Variants in CDK19 observed in about 807,000 individuals in gnomAD.
The protein encoded by CDK19 is cyclin-dependent kinase 19.
A neutral mutation model predicts 68.3 loss-of-function variants in CDK19; 20 were observed. The ratio of observed to expected loss-of-function variants is 0.29; its 90% CI spans 0.21 to 0.43. CDK19 has a LOEUF of 0.43. Ranked by LOEUF, CDK19 falls within the 20% of genes least tolerant of loss-of-function variation. CDK19 has a pLI of 1.00. For synonymous variants in CDK19, 221 were observed against 222.8 expected (o/e 0.99, Z 0.07); for missense variants, 339 against 623.5 (o/e 0.54, Z 4.86).
At chr6:110,788,313 T>C (rs577756149) in intron 1 of CDK19, among the ~76,000 whole-genome samples, 3 of 151,960 alleles carry the variant, frequency 2.0e-5, no homozygotes, top group African/African-American at 7.2e-5. Context: ...CAGGTTTGCA[T>C]CACCATGCCT....
intron 10 of CDK19, 43 bp downstream of exon 10, chr6:110,622,772 C>A: frequency 2.4e-6 from 3 of 1,275,090 alleles, no homozygotes; most frequent in Non-Finnish European, 3.4e-6. Flanking sequence ...CATGCAGCCT[C>A]CTCAGCCTGG....
intron 2 of CDK19, among the ~76,000 whole-genome samples, chr6:110,688,650 G>C (rs890065115): frequency 3.3e-5 from 5 of 152,210 alleles, no homozygotes; most frequent in Non-Finnish European, 5.9e-5. Flanking sequence ...AGGCCACAGA[G>C]AAGGGCCTTA....
At chr6:110,709,093 A>T (rs1047521463) in intron 2 of CDK19, among the ~76,000 whole-genome samples, 9 of 152,288 alleles carry the variant, frequency 5.9e-5, no homozygotes, top group Non-Finnish European at 1.2e-4. Context: ...TTATTATCTC[A>T]ATAGATGCAG....
chr6:110,670,649 G>C, intron 2 of CDK19, 108 bp from the exon 3 acceptor site: 1 of 708,208 alleles, frequency 1.4e-6, no homozygotes, highest in Non-Finnish European at 2.5e-6. Flanking sequence ...GAGAATCCAG[G>C]TAAGCAAAAT....
intron 2 of CDK19, among the ~76,000 whole-genome samples, chr6:110,734,585 G>A (rs1777086417): frequency 8.7e-6 from 1 of 114,654 alleles, no homozygotes; most frequent in Admixed American, 1.3e-4. Flanking sequence ...CCTCCATGCT[G>A]TTTCAGACCA....
At chr6:110,646,163 C>T in intron 4 of CDK19, 3 of 1,064,308 alleles carry the variant, frequency 2.8e-6, no homozygotes, top group Admixed American at 2.2e-5. Context: ...GCACGCAGCG[C>T]GCCACCGGCC....
chr6:110,716,908 C>T (rs186625263), intron 2 of CDK19, among the ~76,000 whole-genome samples: 4 of 152,164 alleles, frequency 2.6e-5, no homozygotes, highest in East Asian at 3.9e-4. Flanking sequence ...CCGAGGTGGA[C>T]GGATCACGAG....
At chr6:110,781,409 C>A (rs1263060606) in intron 1 of CDK19, among the ~76,000 whole-genome samples, 1 of 152,298 alleles carries the variant, frequency 6.6e-6, no homozygotes, top group African/African-American at 2.4e-5. Flanking sequence ...CCCCATGACC[C>A]AAACACTTCC....
chr6:110,728,900 G>A (rs1426363315), intron 2 of CDK19, among the ~76,000 whole-genome samples: 1 of 152,178 alleles, frequency 6.6e-6, no homozygotes, highest in Non-Finnish European at 1.5e-5. Flanking sequence ...ATCCTGCCAT[G>A]ATACTAGCTT....
intron 12 of CDK19, among the ~76,000 whole-genome samples, chr6:110,620,394 A>T (rs1778632263): frequency 6.6e-6 from 1 of 151,226 alleles, no homozygotes; most frequent in Non-Finnish European, 1.5e-5. Context: ...ACAAAAAAAC[A>T]AACAAACAAA....
At chr6:110,806,281 G>C (rs991462515) in intron 1 of CDK19, among the ~76,000 whole-genome samples, 4 of 148,588 alleles carry the variant, frequency 2.7e-5, no homozygotes, top group Non-Finnish European at 4.5e-5. Flanking sequence ...CAGAGGTTGC[G>C]GTGAGCCAAG....
intron 2 of CDK19, among the ~76,000 whole-genome samples, chr6:110,678,020 T>TA (rs1248905767): frequency 6.6e-6 from 1 of 152,180 alleles, no homozygotes; most frequent in East Asian, 1.9e-4. Flanking sequence ...CTGATTTTTT[T>TA]ATTTTTTTGT....
intron 1 of CDK19, among the ~76,000 whole-genome samples, chr6:110,747,974 A>G (rs948852421): frequency 3.3e-5 from 5 of 152,200 alleles, no homozygotes; most frequent in Non-Finnish European, 7.3e-5. Context: ...TACGATGTAA[A>G]TTTTATACAT....
At chr6:110,684,095 G>T (rs1031316743) in intron 2 of CDK19, among the ~76,000 whole-genome samples, 30 of 151,738 alleles carry the variant, frequency 2.0e-4, no homozygotes, top group Non-Finnish European at 3.4e-4. Flanking sequence ...ATTTAAATAT[G>T]AAAAATGAAA....
At chr6:110,646,543 GCTTAAGTCGTGCT>G in intron 4 of CDK19, 1 of 1,216,434 alleles carries the variant, frequency 8.2e-7, no homozygotes, top group Non-Finnish European at 1.1e-6. Context: ...TGCAACAGGT[GCTTAAGTCGTGCT>G]GAGTACGGCC....
chr6:110,765,806 T>C (rs1404623394), intron 1 of CDK19, among the ~76,000 whole-genome samples: 1 of 152,054 alleles, frequency 6.6e-6, no homozygotes, highest in Non-Finnish European at 1.5e-5. Context: ...TGAATAGACA[T>C]TTCTCAAGGA....
In CDK19 at chr6:110,814,998, C is replaced by T; in HGVS notation, c.128+11G>A. The T allele has an allele frequency of 1.2e-6, 2 of 1,603,444 alleles. No individual in the cohort carries two copies. Among genetic ancestry groups the T allele is most frequent in the Non-Finnish European group, 1.7e-6 (2 of 1,175,622 alleles). ...CCCGAGCGAGCCTACTCCTCCCGCC[C>T]CTGCTCTTACCCATCTTTCCGCCTC... On this transcript the variant is annotated intron_variant, in intron 1 of 12. Transcript: ENST00000368911.
chr6:110,623,167 AT>A, intron 9 of CDK19, 122 bp downstream of exon 9: 2 of 807,966 alleles, frequency 2.5e-6, no homozygotes, highest in South Asian at 3.5e-5. Context: ...AACAAAAAAA[AT>A]ATTTAATTTT....
chr6:110,725,725 T>A (rs1267797709), intron 2 of CDK19, among the ~76,000 whole-genome samples: 22 of 152,210 alleles, frequency 1.4e-4, no homozygotes, highest in Non-Finnish European at 1.2e-4. Flanking sequence ...AACCTAGAAA[T>A]TATTTCACTA....
Sources: allele counts gnomAD v4.1 joint callset (sites outside exome capture counted in the v4.1 genomes callset), GRCh38; gene constraint gnomAD v4.1.1; transcripts MANE v1.5; gene names NCBI Gene and HGNC (gene_info 2026-07-23, HGNC 2026-07-21).